Variants in THSD4 observed in about 807,000 individuals in gnomAD.
THSD4 encodes the protein thrombospondin type-1 domain-containing protein 4.
Under a neutral mutation model 119.0 loss-of-function variants are expected in THSD4, and 69 were observed. That is an observed-to-expected ratio of 0.58 (90% CI 0.48 to 0.71). THSD4 has a LOEUF of 0.71. Among genes scored for constraint, THSD4 ranks in the 30% least tolerant of loss-of-function variants. The pLI is 0.00. For missense variants in THSD4, 1,393 were observed against 1,391.1 expected, an observed-to-expected ratio of 1.00 and a Z score of -0.02; for synonymous variants, 524 against 540.4, an observed-to-expected ratio of 0.97 and a Z score of 0.42.
intron 3 of THSD4, among the ~76,000 whole-genome samples, chr15:71,208,246 A>G (rs2043860912): frequency 6.6e-6 from 1 of 152,170 alleles, no homozygotes; most frequent in Non-Finnish European, 1.5e-5. Context: ...ATGCTGCCCC[A>G]TATATACACC....
chr15:71,394,678 A>G (rs2046423091), intron 6 of THSD4, among the ~76,000 whole-genome samples: 2 of 152,128 alleles, frequency 1.3e-5, no homozygotes, highest in African/African-American at 4.8e-5. Flanking sequence ...ACTCCTACTC[A>G]TCCTTCAGAT....
intron 4 of THSD4, among the ~76,000 whole-genome samples, chr15:71,218,894 G>C (rs1039770682): frequency 6.6e-6 from 1 of 152,168 alleles, no homozygotes; most frequent in African/African-American, 2.4e-5. Context: ...CCTTCCACCA[G>C]ATATTTATTA....
chr15:71,745,075 C>G (rs1446788646), intron 11 of THSD4, 31 bp from the exon 12 acceptor site: 2 of 1,602,350 alleles, frequency 1.2e-6, no homozygotes, highest in Non-Finnish European at 1.7e-6. Context: ...GTGTGTGGGA[C>G]TGTCCTTCAG....
intron 15 of THSD4, 76 bp downstream of exon 15, chr15:71,758,151 T>A: frequency 6.9e-7 from 1 of 1,458,050 alleles, no homozygotes; most frequent in Non-Finnish European, 9.1e-7. Context: ...GAACCAGGAC[T>A]TTGTGTCAGG....
intron 7 of THSD4, among the ~76,000 whole-genome samples, chr15:71,442,568 C>A (rs1409990086): frequency 2.7e-4 from 9 of 33,452 alleles, no homozygotes; most frequent in Admixed American, 4.4e-4. Flanking sequence ...AACTCCATCT[C>A]AAAAAAAAAA....
chr15:71,576,061 C>A (rs866719203), intron 7 of THSD4, among the ~76,000 whole-genome samples: 3 of 151,096 alleles, frequency 2.0e-5, no homozygotes, highest in Middle Eastern at 6.8e-3. Flanking sequence ...ATTAAAATGT[C>A]TTTTATGAAA....
At chr15:71,557,702 G>C (rs1049251806) in intron 7 of THSD4, among the ~76,000 whole-genome samples, 2 of 152,104 alleles carry the variant, frequency 1.3e-5, no homozygotes, top group Non-Finnish European at 2.9e-5. Context: ...ATGTTTAAAA[G>C]TTAAATATGT....
chr15:71,327,989 C>A (rs942705729), intron 6 of THSD4, among the ~76,000 whole-genome samples: 2 of 152,174 alleles, frequency 1.3e-5, no homozygotes, highest in African/African-American at 2.4e-5. Context: ...CACAAACTTA[C>A]TAAGGTAAGG....
intron 7 of THSD4, among the ~76,000 whole-genome samples, chr15:71,459,525 T>A: frequency 6.6e-6 from 1 of 152,186 alleles, no homozygotes; most frequent in East Asian, 1.9e-4. Context: ...ATGAAATATT[T>A]CTTCTGCAAG....
intron 7 of THSD4, among the ~76,000 whole-genome samples, chr15:71,441,395 G>T (rs1291085667): frequency 1.6e-4 from 5 of 30,314 alleles, no homozygotes; most frequent in South Asian, 1.0e-3. Context: ...TTCACCTGTA[G>T]AATTTTTTTT....
chr15:71,137,679 G>A (rs2040564184), intron 1 of THSD4, among the ~76,000 whole-genome samples: 1 of 152,166 alleles, frequency 6.6e-6, no homozygotes, highest in Non-Finnish European at 1.5e-5. Flanking sequence ...TAACAGCCAA[G>A]AAGAATGGCA....
chr15:71,486,667 C>T (rs2047827529), intron 7 of THSD4, among the ~76,000 whole-genome samples: 1 of 141,904 alleles, frequency 7.0e-6, no homozygotes, highest in African/African-American at 2.7e-5. Flanking sequence ...CCTCTATATA[C>T]ATTTTAGAAA....
At chr15:71,296,113 C>T (rs1373254165) in intron 6 of THSD4, among the ~76,000 whole-genome samples, 2 of 152,210 alleles carry the variant, frequency 1.3e-5, no homozygotes, top group African/African-American at 4.8e-5. Flanking sequence ...CTGCTTAGAA[C>T]ATTCATGGAC....
Position 71,424,028 on chromosome 15 carries a change from C to T in THSD4, c.1152+12205C>T, listed in dbSNP as rs549321963. Among the ~76,000 whole-genome samples the T allele has an allele frequency of 9.8e-5, 15 of 152,288 alleles. No individual in the cohort carries two copies. The East Asian group carries it at 2.1e-3, about 22-fold the overall frequency. On this transcript the variant is annotated intron_variant, in intron 7 of 17. Transcript: ENST00000261862. Reference sequence around the variant, plus strand: ...CCCAAAAGCGCTCCGACTCTCTGCACCCCATGGCTGCTGCTGGGGAATAGG... The same window carrying T: ...CCCAAAAGCGCTCCGACTCTCTGCATCCCATGGCTGCTGCTGGGGAATAGG...
chr15:71,157,986 T>G (rs1231222374), intron 3 of THSD4, among the ~76,000 whole-genome samples: 1 of 152,064 alleles, frequency 6.6e-6, no homozygotes, highest in African/African-American at 2.4e-5. Context: ...TTTCATTTCC[T>G]TTGGATATAT....
intron 1 of THSD4, among the ~76,000 whole-genome samples, chr15:71,110,013 GA>G (rs2040292150): frequency 6.6e-6 from 1 of 152,236 alleles, no homozygotes; most frequent in Non-Finnish European, 1.5e-5. Context: ...GTTTGCTGAA[GA>G]GGGAAAATTG....
At chr15:71,668,897 T>C (rs2051467456) in intron 8 of THSD4, among the ~76,000 whole-genome samples, 2 of 152,250 alleles carry the variant, frequency 1.3e-5, no homozygotes, top group African/African-American at 4.8e-5. Context: ...AAGTTATTTC[T>C]GGAAGAAACT....
chr15:71,159,284 C>G (rs1380280178), intron 3 of THSD4, among the ~76,000 whole-genome samples: 1 of 152,118 alleles, frequency 6.6e-6, no homozygotes, highest in Non-Finnish European at 1.5e-5. Context: ...CTCAGGATTA[C>G]TGTGCCTATT....
chr15:71,612,040 G>A (rs1361148612), intron 7 of THSD4, among the ~76,000 whole-genome samples: 1 of 152,200 alleles, frequency 6.6e-6, no homozygotes, highest in Non-Finnish European at 1.5e-5. Context: ...CTGCAGCTAA[G>A]ACTTGTGGGG....
Sources: gnomAD v4.1 joint callset for allele counts (sites outside exome capture counted in the v4.1 genomes callset) on GRCh38, gnomAD v4.1.1 for gene constraint, MANE v1.5 for transcripts, NCBI Gene and HGNC (gene_info 2026-07-23, HGNC 2026-07-21) for gene names.